Variants in TENM3 observed in about 807,000 individuals in gnomAD.
The protein encoded by TENM3 is teneurin transmembrane protein 3, also known as teneurin-3.
TENM3 carries 63 observed loss-of-function variants against 255.1 expected under a neutral mutation model. That is an observed-to-expected ratio of 0.25 (90% CI 0.20 to 0.30). The LOEUF (loss-of-function observed/expected upper bound fraction) is 0.30, where lower values mean the gene tolerates loss of function less well. TENM3 is among the 10% of genes least tolerant of loss of function. TENM3 has a pLI of 1.00. For synonymous variants in TENM3, 1,306 were observed against 1,322.3 expected (o/e 0.99, Z 0.27); for missense variants, 2,929 against 3,461.1 (o/e 0.85, Z 3.86).
At chr4:181,492,665 C>A in the TENM3 span, among the ~76,000 whole-genome samples, 1 of 152,034 alleles carries the variant, frequency 6.6e-6, no homozygotes, top group South Asian at 2.1e-4. Flanking sequence ...CATTGTTCTA[C>A]AGATTTTTTT....
the TENM3 span, among the ~76,000 whole-genome samples, chr4:181,785,193 A>C: frequency 6.6e-6 from 1 of 152,194 alleles, no homozygotes; most frequent in Non-Finnish European, 1.5e-5. Flanking sequence ...GCGACCAGGC[A>C]GGAGAACAAG....
chr4:182,307,289 A>G (rs1330801395), intron 1 of TENM3, among the ~76,000 whole-genome samples: 6 of 152,200 alleles, frequency 3.9e-5, no homozygotes, highest in Admixed American at 3.9e-4. Context: ...TTCATGGGTG[A>G]CAGGTGTCCA....
At chr4:182,264,834 A>T (rs973630794) in intron 1 of TENM3, among the ~76,000 whole-genome samples, 21 of 152,236 alleles carry the variant, frequency 1.4e-4, no homozygotes, top group East Asian at 9.6e-4. Flanking sequence ...TATGGTTAAA[A>T]GTCAGCTTAA....
At chr4:181,999,659 G>A in the TENM3 span, among the ~76,000 whole-genome samples, 12 of 152,090 alleles carry the variant, frequency 7.9e-5, no homozygotes, top group Non-Finnish European at 1.3e-4. Flanking sequence ...AAATGAAGGG[G>A]AAGACCTCCA....
At chr4:182,417,074 C>T (rs899627341) in intron 3 of TENM3, among the ~76,000 whole-genome samples, 3 of 152,058 alleles carry the variant, frequency 2.0e-5, no homozygotes, top group Non-Finnish European at 4.4e-5. Context: ...CCCGGGTTCA[C>T]GCCATTCTCC....
intron 1 of TENM3, among the ~76,000 whole-genome samples, chr4:182,184,154 G>T (rs1230077435): frequency 6.6e-6 from 1 of 152,144 alleles, no homozygotes; most frequent in Admixed American, 6.6e-5. Flanking sequence ...GACAAGCAGA[G>T]ATTTTTGTAC....
chr4:182,484,653 A>C (rs1297727589), intron 3 of TENM3, among the ~76,000 whole-genome samples: 1 of 152,172 alleles, frequency 6.6e-6, no homozygotes, highest in Non-Finnish European at 1.5e-5. Flanking sequence ...TAAATTAATG[A>C]TAAAGAAAAG....
At chr4:182,772,196 C>T (rs1363606152) in intron 22 of TENM3, among the ~76,000 whole-genome samples, 1 of 151,008 alleles carries the variant, frequency 6.6e-6, no homozygotes, top group Non-Finnish European at 1.5e-5. Flanking sequence ...CACGAAAAAC[C>T]CCTATCATCT....
the TENM3 span, among the ~76,000 whole-genome samples, chr4:181,973,805 C>T: frequency 6.6e-6 from 1 of 152,180 alleles, no homozygotes; most frequent in African/African-American, 2.4e-5. Flanking sequence ...GTCAATGGAG[C>T]TCAGGGTAGG....
chr4:182,730,206 A>T lies in TENM3; in HGVS notation c.2592A>T (p.Ala864=), dbSNP rs766274845. ...TCTTCTGCTTTTCCAACAGCCTTGC[A>T]TCTGTCATCAGAGGCCAAGTACTGA... The part of the protein sequence containing the change: ...PGESPFNKSL[A]SVIRGQVLTA... Residue 864 remains alanine (A), a synonymous_variant, in exon 15 of 28, where the codon GCA becomes GCT. Transcript: ENST00000511685. The T allele has an allele frequency of 1.2e-6, 2 of 1,613,706 alleles. No homozygotes were observed. The highest frequency in any genetic ancestry group is 3.3e-5 in the Admixed American group (2 of 60,012).
intron 3 of TENM3, among the ~76,000 whole-genome samples, chr4:182,514,940 CAATAGTACATCCT>C (rs1737789726): frequency 1.3e-5 from 2 of 151,984 alleles, no homozygotes; most frequent in Non-Finnish European, 2.9e-5. Flanking sequence ...GAGTGAGAAA[CAATAGTACATCCT>C]AATAGTAGAC....
At chr4:182,117,142 C>T in the TENM3 span, among the ~76,000 whole-genome samples, 1 of 152,108 alleles carries the variant, frequency 6.6e-6, no homozygotes, top group Non-Finnish European at 1.5e-5. Flanking sequence ...TGTTAATTTT[C>T]TTATTGTTGA....
intron 1 of TENM3, among the ~76,000 whole-genome samples, chr4:182,161,298 C>A (rs1454310268): frequency 2.2e-5 from 3 of 136,466 alleles, no homozygotes; most frequent in Non-Finnish European, 3.1e-5. Flanking sequence ...CGCCTGTAGT[C>A]CCAGCTACTC....
intron 4 of TENM3, among the ~76,000 whole-genome samples, chr4:182,616,522 T>TAA (rs542212636): frequency 0.039 from 3,656 of 94,202 alleles, 252 homozygotes; most frequent in African/African-American, 0.12. Context: ...TAAAGTATAA[T>TAA]AAAAAAAAAA....
At chr4:181,920,024 A>G in the TENM3 span, among the ~76,000 whole-genome samples, 1 of 151,226 alleles carries the variant, frequency 6.6e-6, no homozygotes, top group African/African-American at 2.4e-5. Context: ...GAGAATGATG[A>G]TTTCCAATTT....
intron 22 of TENM3, among the ~76,000 whole-genome samples, chr4:182,767,841 T>C (rs1346760580): frequency 1.3e-5 from 2 of 152,136 alleles, no homozygotes; most frequent in Non-Finnish European, 2.9e-5. Flanking sequence ...AACTTGAACA[T>C]TTATCCCATC....
the TENM3 span, among the ~76,000 whole-genome samples, chr4:182,014,351 G>A: frequency 8.6e-5 from 13 of 151,904 alleles, no homozygotes; most frequent in Non-Finnish European, 1.3e-4. Context: ...CTATGGTGAC[G>A]TCACTAATCA....
intron 1 of TENM3, among the ~76,000 whole-genome samples, chr4:182,177,958 G>GTTTTTTTTTT (rs56256529): frequency 3.3e-4 from 39 of 117,128 alleles, no homozygotes; most frequent in Non-Finnish European, 5.0e-4. Flanking sequence ...TTTGGTTTTT[G>GTTTTTTTTTT]TTTTTTTTTT....
At chr4:182,452,692 A>G (rs540716231) in intron 3 of TENM3, among the ~76,000 whole-genome samples, 3 of 152,350 alleles carry the variant, frequency 2.0e-5, no homozygotes, top group African/African-American at 7.2e-5. Flanking sequence ...ATTCATATCC[A>G]GAAACATTGA....
Sources: allele counts gnomAD v4.1 joint callset (sites outside exome capture counted in the v4.1 genomes callset), GRCh38; gene constraint gnomAD v4.1.1; transcripts MANE v1.5; gene names NCBI Gene and HGNC (gene_info 2026-07-23, HGNC 2026-07-21).